The following LARP1B variants were observed in gnomAD, a reference collection of about 807,000 sequenced individuals.
LARP1B encodes the protein La ribonucleoprotein 1B.
In LARP1B, 76 loss-of-function variants were observed where a neutral mutation model predicts 114.2. That is an observed-to-expected ratio of 0.67 (90% confidence interval 0.55 to 0.81). The LOEUF is 0.81. LARP1B is among the 30% of genes least tolerant of loss of function. The probability of loss-of-function intolerance (pLI) is 0.00; values close to 1 mark genes in which losing one functional copy is unlikely to be tolerated. For missense variants in LARP1B, 1,014 were observed against 1,075.8 expected, an observed-to-expected ratio of 0.94 and a Z score of 0.80; for synonymous variants, 345 against 348.0, an observed-to-expected ratio of 0.99 and a Z score of 0.10.
At chr4:128,141,398 A>G (rs902247944) in intron 11 of LARP1B, among the ~76,000 whole-genome samples, 6 of 152,188 alleles carry the variant, frequency 3.9e-5, no homozygotes, top group East Asian at 1.9e-4. Flanking sequence ...ACACGTTACA[A>G]CGAGTTGCTC....
intron 5 of LARP1B, among the ~76,000 whole-genome samples, chr4:128,089,577 C>G (rs1580164907): frequency 6.6e-6 from 1 of 151,942 alleles, no homozygotes; most frequent in African/African-American, 2.4e-5. Flanking sequence ...CTCAAGTGAT[C>G]CACCCACCTC....
At chr4:128,111,731 C>G (rs903646647) in intron 9 of LARP1B, among the ~76,000 whole-genome samples, 1 of 151,934 alleles carries the variant, frequency 6.6e-6, no homozygotes, top group Non-Finnish European at 1.5e-5. Context: ...TTGTTCTTGT[C>G]CCCCAGGCTG....
intron 10 of LARP1B, among the ~76,000 whole-genome samples, chr4:128,119,469 T>C (rs1273747860): frequency 6.6e-6 from 1 of 152,236 alleles, no homozygotes; most frequent in Non-Finnish European, 1.5e-5. Flanking sequence ...TTATTTTGTT[T>C]AGAAAGTAAT....
intron 4 of LARP1B, among the ~76,000 whole-genome samples, chr4:128,081,230 C>T (rs777839087): frequency 3.3e-5 from 5 of 151,826 alleles, no homozygotes; most frequent in Non-Finnish European, 7.4e-5. Context: ...AGGCATGTGC[C>T]ACCATGCCTG....
At chr4:128,062,088 C>T (rs1473382517) in intron 1 of LARP1B, 12 of 985,428 alleles carry the variant, frequency 1.2e-5, no homozygotes, top group African/African-American at 7.0e-5. Flanking sequence ...GAGGTGGCAG[C>T]TGGCCCTGCG....
intron 4 of LARP1B, among the ~76,000 whole-genome samples, chr4:128,079,970 C>A (rs902642541): frequency 7.9e-5 from 12 of 151,868 alleles, no homozygotes; most frequent in African/African-American, 2.9e-4. Flanking sequence ...ATTTGTTATC[C>A]TGATCTAAAA....
At chr4:128,140,817 T>C (rs1308936042) in intron 11 of LARP1B, among the ~76,000 whole-genome samples, 1 of 91,832 alleles carries the variant, frequency 1.1e-5, no homozygotes, top group African/African-American at 3.2e-5. Context: ...GTAGGTTAAT[T>C]GTCTCTGTTT....
chr4:128,156,148 A>G (rs1735524704), intron 11 of LARP1B: 1 of 1,611,038 alleles, frequency 6.2e-7, no homozygotes, highest in African/African-American at 1.3e-5. Context: ...GAGTAGCAGC[A>G]GCAGCGGAGA....
At chr4:128,097,179 T>C (rs572256937) in intron 7 of LARP1B, among the ~76,000 whole-genome samples, 88 of 152,374 alleles carry the variant, frequency 5.8e-4, no homozygotes, top group African/African-American at 2.0e-3. Context: ...GTTACAGGCG[T>C]GAGCCACCTC....
intron 11 of LARP1B, among the ~76,000 whole-genome samples, chr4:128,140,039 C>G (rs1359804281): frequency 6.6e-6 from 1 of 152,056 alleles, no homozygotes; most frequent in East Asian, 1.9e-4. Context: ...ATGTAAAATA[C>G]TGGATTTTGA....
At position 128,159,152 on chromosome 4, in the gene LARP1B, A is replaced by G. The variant is rs368636420; in HGVS notation, c.1525-3042A>G. On this transcript the variant is annotated intron_variant, in intron 11 of 19. Transcript: ENST00000326639. ...CGTACCACTGCGTTCCAGTCTGGGCAACAGAGCAAGACCCTGTCTCTAGGG... is the reference window on the plus strand; with the variant it reads ...CGTACCACTGCGTTCCAGTCTGGGCGACAGAGCAAGACCCTGTCTCTAGGG... 5.3e-5 allele frequency among the ~76,000 whole-genome samples: 8 copies of G among 151,828 alleles called. No homozygotes were observed. The East Asian group carries it at 5.8e-4, about 11-fold the overall frequency.
chr4:128,084,471 G>A (rs542239729), intron 5 of LARP1B, among the ~76,000 whole-genome samples: 5 of 152,332 alleles, frequency 3.3e-5, no homozygotes, highest in African/African-American at 7.2e-5. Context: ...AAAAAAGTAC[G>A]AAAACCAGTC....
rs149123940 is a variant in LARP1B at position 128,102,592 on chromosome 4, C to T, written c.813+4262C>T. ...TATCTGCCCTGGTTGAGTATGCAAA[C>T]GCAAACCAAACTTGTTGAATCTGAT... On this transcript the variant is annotated intron_variant, in intron 8 of 19. Coordinates refer to ENST00000326639, the MANE Select transcript of LARP1B (RefSeq NM_018078.4). Among the ~76,000 whole-genome samples, 1,325 of 152,216 alleles carry T rather than the reference C, an allele frequency of 8.7e-3. 14 individuals carry two copies. The highest frequency in any genetic ancestry group is 0.014 in the Non-Finnish European group (946 of 68,004).
At chr4:128,088,404 G>GT (rs1259981716) in intron 5 of LARP1B, among the ~76,000 whole-genome samples, 5 of 152,000 alleles carry the variant, frequency 3.3e-5, no homozygotes, top group African/African-American at 1.2e-4. Flanking sequence ...AGGAATTTTT[G>GT]TTTTTTTAAT....
At chr4:128,195,654 T>C (rs1174496215) in intron 15 of LARP1B, among the ~76,000 whole-genome samples, 1 of 152,198 alleles carries the variant, frequency 6.6e-6, no homozygotes, top group Non-Finnish European at 1.5e-5. Context: ...ATGAAACTAC[T>C]GATTCCATAT....
intron 11 of LARP1B, among the ~76,000 whole-genome samples, chr4:128,125,780 T>A (rs1789400254): frequency 1.3e-5 from 2 of 152,010 alleles, no homozygotes; most frequent in Non-Finnish European, 2.9e-5. Context: ...CAAAACAGAA[T>A]GTTTTTCTGG....
intron 15 of LARP1B, among the ~76,000 whole-genome samples, chr4:128,186,760 C>G (rs1750499292): frequency 6.6e-6 from 1 of 152,156 alleles, no homozygotes; most frequent in South Asian, 2.1e-4. Flanking sequence ...AGAAAAACAC[C>G]TTGTAGGCAT....
intron 11 of LARP1B, among the ~76,000 whole-genome samples, chr4:128,145,584 C>T (rs1729988584): frequency 6.6e-6 from 1 of 152,182 alleles, no homozygotes; most frequent in African/African-American, 2.4e-5. Flanking sequence ...TAGATTGTCT[C>T]CAGCGCTCTA....
chr4:128,126,789 T>G (rs1208584787), intron 11 of LARP1B, among the ~76,000 whole-genome samples: 1 of 148,574 alleles, frequency 6.7e-6, no homozygotes, highest in Non-Finnish European at 1.5e-5. Flanking sequence ...TAGATTTTAT[T>G]ATAAAGCTTT....
Sources: allele counts gnomAD v4.1 joint callset (sites outside exome capture counted in the v4.1 genomes callset), GRCh38; gene constraint gnomAD v4.1.1; transcripts MANE v1.5; gene names NCBI Gene and HGNC (gene_info 2026-07-23, HGNC 2026-07-21).